Variants in CARS1 observed in about 807,000 individuals in gnomAD.
The protein encoded by CARS1 is cysteine--tRNA ligase, cytoplasmic.
Under a neutral mutation model 106.2 loss-of-function variants are expected in CARS1, and 48 were observed. The ratio of observed to expected loss-of-function variants is 0.45; its 90% CI spans 0.36 to 0.57. The LOEUF (loss-of-function observed/expected upper bound fraction) is 0.57. Among genes scored for constraint, CARS1 ranks in the 20% least tolerant of loss-of-function variants. CARS1 has a pLI of 0.00. For missense variants in CARS1, 968 were observed against 1,057.2 expected (o/e 0.92, Z 1.17); for synonymous variants, 409 against 403.4 (o/e 1.01, Z -0.17).
At chr11:3,025,191 T>C (rs1851929354) in intron 10 of CARS1, among the ~76,000 whole-genome samples, 1 of 152,192 alleles carries the variant, frequency 6.6e-6, no homozygotes, top group Non-Finnish European at 1.5e-5. Context: ...AACCTGGCTA[T>C]CTCTATCTTT....
chr11:3,024,832 T>C (rs1252998590), intron 10 of CARS1, among the ~76,000 whole-genome samples: 1 of 152,262 alleles, frequency 6.6e-6, no homozygotes, highest in African/African-American at 2.4e-5. Flanking sequence ...AACGGTTCTT[T>C]GAGATTTGTG....
In CARS1 at chr11:3,015,750, T is replaced by C. The variant is rs753683711; in HGVS notation, c.1986+31A>G. On this transcript the variant is annotated intron_variant, in intron 17 of 22. Coordinates refer to ENST00000380525, the MANE Select transcript of CARS1 (RefSeq NM_001014437.3). ...GGGTAGGGAGTGGGGAGGGAGCAGGTGCAGAAGGCAGGACCCTGCATGCTA... is the reference window on the plus strand; with the variant it reads ...GGGTAGGGAGTGGGGAGGGAGCAGGCGCAGAAGGCAGGACCCTGCATGCTA... The C allele has an allele frequency of 5.0e-6, 8 of 1,600,454 alleles. No homozygotes were observed. In the African/African-American group the frequency reaches 1.1e-4, roughly 21 times the overall value.
At chr11:3,027,698 G>C (rs1852239706) in intron 9 of CARS1, 2 of 357,838 alleles carry the variant, frequency 5.6e-6, no homozygotes. Flanking sequence ...AGTGAGGAGT[G>C]ACCAGAAGAC....
At chr11:3,005,563 G>T in intron 19 of CARS1, 130 bp from the exon 20 acceptor site, 1 of 621,278 alleles carries the variant, frequency 1.6e-6, no homozygotes, top group African/African-American at 1.9e-5. Flanking sequence ...GCCCACAGGA[G>T]AAAAACAAAC....
At chr11:3,056,433 G>A (rs1218717310) in intron 1 of CARS1, among the ~76,000 whole-genome samples, 2 of 152,222 alleles carry the variant, frequency 1.3e-5, no homozygotes, top group East Asian at 1.9e-4. Context: ...GGGACAGTGA[G>A]AGAAGAACCC....
intron 16 of CARS1, among the ~76,000 whole-genome samples, chr11:3,016,756 G>GT (rs1851049087): frequency 6.6e-6 from 1 of 152,000 alleles, no homozygotes; most frequent in Non-Finnish European, 1.5e-5. Flanking sequence ...TGGAAAACAG[G>GT]TGTGTGCCAC....
At chr11:3,007,286 T>C (rs1318953163) in intron 18 of CARS1, 2 of 393,878 alleles carry the variant, frequency 5.1e-6, no homozygotes, top group South Asian at 3.9e-5. Context: ...GGGACACAAG[T>C]TGGGCCGACA....
At position 3,043,802 on chromosome 11, in the gene CARS1, G is replaced by A. The variant is rs1035576864; in HGVS notation, c.275-1546C>T. On this transcript the variant is annotated intron_variant, in intron 2 of 22. Coordinates refer to ENST00000380525, the MANE Select transcript of CARS1 (RefSeq NM_001014437.3). This position sits in a 1 kb window ranked among gnomAD's most constrained non-coding sequence, Gnocchi z 4.0. ...ACAGGCCAAGGGGAGGAAGGAGGGC[G>A]GCTGCACTGTGTCTGGGCAGTGGGG... Among the ~76,000 whole-genome samples the A allele has an allele frequency of 3.3e-5, 5 of 152,102 alleles. No individual in the cohort carries two copies. Among genetic ancestry groups the A allele is most frequent in the South Asian group, 2.1e-4 (1 of 4,824 alleles).
In CARS1 at chr11:3,044,418, T is replaced by G. The variant is rs202127868; in HGVS notation, c.275-2162A>C. ...TATCACATAAGGACCCTTGCCCCCCTTTTTTTTTTTTAGATAAAATCTGGC... is the reference window on the plus strand; with the variant it reads ...TATCACATAAGGACCCTTGCCCCCCGTTTTTTTTTTTAGATAAAATCTGGC... On this transcript the variant is annotated intron_variant, in intron 2 of 22. Coordinates refer to ENST00000380525, the MANE Select transcript of CARS1 (RefSeq NM_001014437.3). This position sits in a 1 kb window ranked among gnomAD's most constrained non-coding sequence, Gnocchi z 4.4. Among the ~76,000 whole-genome samples, 1 of 130,250 alleles carries G rather than the reference T, an allele frequency of 7.7e-6. No homozygotes were observed. Among genetic ancestry groups the G allele is most frequent in the African/African-American group, 3.6e-5 (1 of 28,122 alleles). 85.4% of individuals were successfully genotyped at this position (130,250 alleles called of 152,430 possible).
rs1373508157 is a variant in CARS1, at chr11:3,029,868, G to A, written c.802-425C>T. 5.9e-6 allele frequency: 1 copy of A among 170,644 alleles called. No homozygotes were observed. Among genetic ancestry groups the A allele is most frequent in the African/African-American group, 2.4e-5 (1 of 42,042 alleles). 10.6% of individuals were successfully genotyped at this position (170,644 alleles called of 1,614,324 possible). On this transcript the variant is annotated intron_variant, in intron 7 of 22. Transcript: ENST00000380525. The surrounding 1 kb of genome is among the most constrained non-coding windows in gnomAD (Gnocchi z 5.9). The stretch of plus-strand genomic sequence containing the variant: ...CATGACGGACACAGCCAGAGGTTAG[G>A]AGAGATAGGCAGGGCACTGGTCCCA...
intron 10 of CARS1, among the ~76,000 whole-genome samples, chr11:3,025,906 C>T (rs1354226581): frequency 2.0e-5 from 3 of 152,214 alleles, no homozygotes; most frequent in African/African-American, 7.2e-5. Flanking sequence ...ACCTCACATG[C>T]TCAGCCAGCA....
At chr11:3,002,746 G>A in intron 20 of CARS1, 146 bp from the exon 21 acceptor site, 1 of 1,391,364 alleles carries the variant, frequency 7.2e-7, no homozygotes, top group South Asian at 1.4e-5. Context: ...ACTGTGGGGA[G>A]ACAAGCCCAT....
At position 3,036,331 on chromosome 11, in the gene CARS1, A is replaced by G. The variant is rs542447099; in HGVS notation, c.801+1719T>C. ...GGGAACCCCCGACAGTCACTCACAT[A>G]TATCCTACACAACCCAGCGATTCCA... On this transcript the variant is annotated intron_variant, in intron 7 of 22. Transcript: ENST00000380525. Among the ~76,000 whole-genome samples the G allele has an allele frequency of 1.2e-4, 18 of 152,342 alleles. No individual in the cohort carries two copies. The South Asian group carries it at 3.7e-3, about 32-fold the overall frequency.
intron 1 of CARS1, among the ~76,000 whole-genome samples, chr11:3,051,145 C>A (rs561460962): frequency 6.6e-6 from 1 of 152,386 alleles, no homozygotes; most frequent in South Asian, 2.1e-4. Flanking sequence ...CGGCCACAGC[C>A]TCTGCTGCTT....
rs1854736588 is a variant in CARS1, at chr11:3,043,460, G to C, written c.275-1204C>G. On this transcript the variant is annotated intron_variant, in intron 2 of 22. Coordinates refer to ENST00000380525, the MANE Select transcript of CARS1 (RefSeq NM_001014437.3). This position sits in a 1 kb window ranked among gnomAD's most constrained non-coding sequence, Gnocchi z 4.0. ...CCAGGTTCTGCGTTATGCTCTGCTG[G>C]GCACCTCTGACCCCAGCTGGTGCCT... Among the ~76,000 whole-genome samples the C allele has an allele frequency of 6.6e-6, 1 of 151,574 alleles. No homozygotes were observed. The highest frequency in any genetic ancestry group is 2.4e-5 in the African/African-American group (1 of 41,186).
chr11:3,032,866 A>G (rs1853044493), intron 7 of CARS1, among the ~76,000 whole-genome samples: 1 of 151,182 alleles, frequency 6.6e-6, no homozygotes, highest in Non-Finnish European at 1.5e-5. Flanking sequence ...GGATGTAACA[A>G]TCCTGAGAGT....
In CARS1 at chr11:3,008,879, G is replaced by A. The variant is rs1437462131; in HGVS notation, c.2069-1920C>T. On this transcript the variant is annotated intron_variant, in intron 18 of 22. Coordinates refer to ENST00000380525, the MANE Select transcript of CARS1 (RefSeq NM_001014437.3). The surrounding 1 kb of genome is among the most constrained non-coding windows in gnomAD (Gnocchi z 5.1). ...CCCTGGATAGCACCCTCATTAGAAG[G>A]AAGGCAAGCCAGCACCTGTGGTCAC... 1 of 152,226 alleles carries A rather than the reference G, an allele frequency of 6.6e-6. No homozygotes were observed. The highest frequency in any genetic ancestry group is 1.5e-5 in the Non-Finnish European group (1 of 68,088). The allele number at this position is 152,226 out of a possible 1,614,324, so 9.4% of individuals were successfully genotyped here. A position where few individuals can be genotyped will look rare whatever the true frequency, so the allele number is the denominator to read the frequency against.
chr11:3,054,747 G>C, intron 1 of CARS1: 1 of 632,750 alleles, frequency 1.6e-6, no homozygotes, highest in Non-Finnish European at 2.8e-6. Context: ...TCCCCCAAGG[G>C]TGGCAGGAGA....
rs562603431 is a variant in CARS1 at position 3,006,614 on chromosome 11, C to T, written c.2149+265G>A. Among the ~76,000 whole-genome samples, 5 of 152,356 alleles carry T rather than the reference C, an allele frequency of 3.3e-5. No homozygotes were observed. The South Asian group carries it at 6.2e-4, about 19-fold the overall frequency. On this transcript the variant is annotated intron_variant, in intron 19 of 22. Coordinates refer to ENST00000380525, the MANE Select transcript of CARS1 (RefSeq NM_001014437.3). ...TCAAAGGCGGTAGCAACAGGGGCAG[C>T]GGGCAGCCAGGCCCCTAGGGGAGAT...
Sources: allele counts gnomAD v4.1 joint callset (sites outside exome capture counted in the v4.1 genomes callset), GRCh38; gene constraint gnomAD v4.1.1; non-coding constraint Gnocchi (gnomAD v3.1); transcripts MANE v1.5; gene names NCBI Gene and HGNC (gene_info 2026-07-23, HGNC 2026-07-21).